ANK3: variants seen among roughly 807,000 people sequenced by gnomAD.
ANK3 encodes ankyrin-3.
A neutral mutation model predicts 370.9 loss-of-function variants in ANK3; 57 were observed. The observed-to-expected ratio is 0.15, with a 90% CI of 0.12 to 0.19. ANK3 has a LOEUF of 0.19. Ranked by LOEUF, ANK3 falls within the 10% of genes least tolerant of loss-of-function variation. ANK3 has a pLI of 1.00. For synonymous variants in ANK3, 1,929 were observed against 1,946.3 expected (o/e 0.99, Z 0.23); for missense variants, 4,439 against 5,302.1 (o/e 0.84, Z 5.06).
rs534560568 is a variant in ANK3 at position 60,092,820 on chromosome 10, C to G, written c.3329-4462G>C. On this transcript the variant is annotated intron_variant, in intron 28 of 43. Transcript: ENST00000280772. ...GCATGATCTCAGCTCACTGCAACCTCCGCCTCCTGGGCTCAAGCAATTCTT... is the reference window on the plus strand; with the variant it reads ...GCATGATCTCAGCTCACTGCAACCTGCGCCTCCTGGGCTCAAGCAATTCTT... Among the ~76,000 whole-genome samples the G allele has an allele frequency of 2.0e-5, 3 of 152,330 alleles. No homozygotes were observed. In the South Asian group the frequency reaches 6.2e-4, roughly 32 times the overall value.
At chr10:60,273,994 A>T (rs779499363) in intron 4 of ANK3, among the ~76,000 whole-genome samples, 5 of 152,186 alleles carry the variant, frequency 3.3e-5, no homozygotes, top group Non-Finnish European at 7.3e-5. Context: ...AAGCTAATAC[A>T]GATAGGGTCT....
chr10:60,673,108 T>C (rs2079082665), intron 1 of ANK3, among the ~76,000 whole-genome samples: 1 of 151,472 alleles, frequency 6.6e-6, no homozygotes, highest in Non-Finnish European at 1.5e-5. Context: ...CTATAAAAGG[T>C]AAAAGAGTTC....
At chr10:60,131,236 A>T (rs542389327) in intron 25 of ANK3, among the ~76,000 whole-genome samples, 1 of 152,164 alleles carries the variant, frequency 6.6e-6, no homozygotes, top group Non-Finnish European at 1.5e-5. Flanking sequence ...TGCCCCCAAC[A>T]GTCCCTAAAA....
At chr10:60,080,319 A>C (rs967654453) in intron 36 of ANK3, 4 of 490,276 alleles carry the variant, frequency 8.2e-6, no homozygotes, top group Non-Finnish European at 1.4e-5. Flanking sequence ...AAAATAGTTA[A>C]TGGCTTTAAA....
intron 23 of ANK3, among the ~76,000 whole-genome samples, chr10:60,165,902 CA>C (rs1400066035): frequency 6.6e-6 from 1 of 152,138 alleles, no homozygotes; most frequent in Non-Finnish European, 1.5e-5. Flanking sequence ...GTCATCAGTA[CA>C]ATATTTACTC....
chr10:60,205,672 C>T, intron 11 of ANK3, 120 bp downstream of exon 11: 1 of 699,122 alleles, frequency 1.4e-6, no homozygotes. Context: ...GTTCAGAATG[C>T]AGTCTATGGC....
intron 1 of ANK3, among the ~76,000 whole-genome samples, chr10:60,363,276 CA>C (rs2058900482): frequency 6.6e-6 from 1 of 152,232 alleles, no homozygotes; most frequent in Admixed American, 6.5e-5. Context: ...AGGCCAACAT[CA>C]CTAAACCGAA....
At chr10:60,488,899 T>C (rs1007346969) in intron 2 of ANK3, among the ~76,000 whole-genome samples, 1 of 152,228 alleles carries the variant, frequency 6.6e-6, no homozygotes, top group Non-Finnish European at 1.5e-5. Flanking sequence ...AAATAATTAA[T>C]CTTATTTGCT....
intron 1 of ANK3, among the ~76,000 whole-genome samples, chr10:60,351,932 A>C (rs957656707): frequency 6.6e-6 from 1 of 152,262 alleles, no homozygotes; most frequent in Non-Finnish European, 1.5e-5. Flanking sequence ...AATGAAAAAA[A>C]AAATACCACT....
intron 7 of ANK3, among the ~76,000 whole-genome samples, chr10:60,236,312 T>C (rs1487061732): frequency 6.6e-6 from 1 of 151,572 alleles, no homozygotes; most frequent in Non-Finnish European, 1.5e-5. Flanking sequence ...AAATAATTCC[T>C]TTATAGCACC....
Position 60,073,783 on chromosome 10 carries a change from G to A in ANK3, c.7098C>T (p.Ser2366=). ...AATCTTTTAGGTTAATATCTCCCCG[G>A]GATAAGTCTTTCTGATATACATACA... The part of the protein sequence containing the change: ...KEMYVYQKDL[S]RGDINLKDFL... Residue 2366 remains serine, a synonymous_variant, in exon 37 of 44, where the codon TCC becomes TCT. Transcript: ENST00000280772. The A allele has an allele frequency of 1.2e-6, 2 of 1,613,496 alleles. No homozygotes were observed. The highest frequency in any genetic ancestry group is 1.7e-6 in the Non-Finnish European group (2 of 1,179,964).
intron 36 of ANK3, 69 bp from the exon 37 acceptor site, chr10:60,076,517 C>A (rs2083862358): frequency 1.3e-5 from 20 of 1,488,348 alleles, no homozygotes; most frequent in Non-Finnish European, 1.7e-5. Context: ...ACAGAGAGAC[C>A]AGAGAAAAAA....
At position 60,082,679 on chromosome 10, in the gene ANK3, G is replaced by A. The variant is rs201213520; in HGVS notation, c.4259C>T (p.Thr1420Ile). 13 of 1,614,072 alleles carry A rather than the reference G, an allele frequency of 8.1e-6. 1 individual carries two copies. The South Asian group carries it at 1.4e-4, about 18-fold the overall frequency. Residue 1420 changes from threonine to isoleucine, a missense_variant, in exon 34 of 44, where the codon ACA becomes ATA. By Grantham distance (89) the Thr-to-Ile change is moderately conservative. Transcript: ENST00000280772. ...GRLSFLKEPK[T>I]TKGLPQTAVC... ...CGCTGTTTGAGGCAGTCCTTTTGTT[G>A]TCTTTGGTTCTTTCAGAAAAGACAG...
Position 60,064,238 on chromosome 10 carries a change from C to A in ANK3, c.12370G>T (p.Val4124Leu), listed in dbSNP as rs1279933673. 6.3e-7 allele frequency: 1 copy of A among 1,581,916 alleles called. No individual in the cohort carries two copies. Among genetic ancestry groups the A allele is most frequent in the Admixed American group, 1.9e-5 (1 of 51,332 alleles). ...FSVDEINQIR[V>L]ENPNSLISQS... ...GAAATTAAAGAATTTGGATTTTCCA[C>A]ACGTATTTGATTGATTTCATCCACT... The change falls in exon 39 of 44, where the codon GTG (valine) becomes TTG (leucine). Residue 4124 changes from valine (V) to leucine (L), a missense_variant. Around this residue, in one of 13 missense-constraint regions of ANK3, gnomAD observed 99 missense variants for 150.7 expected, o/e 0.66. Coordinates refer to ENST00000280772, the MANE Select transcript of ANK3 (RefSeq NM_020987.5).
chr10:60,074,091 A>C lies in ANK3; in HGVS notation c.6790T>G (p.Ser2264Ala). Reference protein sequence around the residue: ...YHSPPGGEGASERIEETMSVH... With the variant: ...YHSPPGGEGAAERIEETMSVH... ...GACATGGTTTCTTCAATTCTTTCAG[A>C]TGCACCTTCACCGCCTGGTGGAGAA... The change falls in exon 37 of 44, where the codon TCT becomes GCT. Residue 2264 changes from serine (S) to alanine (A), a missense_variant. By Grantham distance (99) the Ser-to-Ala change is moderately conservative (BLOSUM62 1). Around this residue, in one of 13 missense-constraint regions of ANK3, gnomAD observed 1,601 missense variants for 1,731.7 expected, o/e 0.92. Transcript: ENST00000280772. 6.2e-7 allele frequency: 1 copy of C among 1,614,036 alleles called. No homozygotes were observed. The highest frequency in any genetic ancestry group is 8.5e-7 in the Non-Finnish European group (1 of 1,179,978).
chr10:60,173,568 A>T (rs796447790), intron 18 of ANK3, among the ~76,000 whole-genome samples: 3 of 152,324 alleles, frequency 2.0e-5, no homozygotes, highest in African/African-American at 7.2e-5. Flanking sequence ...ACTTTCTGAA[A>T]GCTTTAAATC....
At chr10:60,042,622 A>G in intron 43 of ANK3, 50 bp downstream of exon 43, 1 of 1,511,688 alleles carries the variant, frequency 6.6e-7, no homozygotes, top group Non-Finnish European at 9.1e-7. Flanking sequence ...GAAAAATATA[A>G]GTTTCACAGG....
intron 18 of ANK3, among the ~76,000 whole-genome samples, chr10:60,180,322 G>A (rs1002160441): frequency 3.3e-5 from 5 of 151,920 alleles, no homozygotes; most frequent in Admixed American, 2.6e-4. Flanking sequence ...ATGTGGCTGG[G>A]TGCGGGGGCT....
rs574380592 is a variant in ANK3 at position 60,362,931 on chromosome 10, T to C, written c.114+26494A>G. ...GGACATTAGAGCTGGTCCTGGAGAG[T>C]AGATAGGGTGGGCTATCCTGGACAT... On this transcript the variant is annotated intron_variant, in intron 1 of 43. Coordinates refer to ENST00000280772, the MANE Select transcript of ANK3 (RefSeq NM_020987.5). 2.0e-4 allele frequency among the ~76,000 whole-genome samples: 30 copies of C among 151,970 alleles called. 1 individual carries two copies. Among genetic ancestry groups the C allele is most frequent in the African/African-American group, 6.8e-4 (28 of 41,422 alleles).
Sources: gnomAD v4.1 joint callset for allele counts (sites outside exome capture counted in the v4.1 genomes callset) on GRCh38, gnomAD v4.1.1 for gene constraint, gnomAD v4.1.1 regional missense constraint, MANE v1.5 for transcripts, NCBI Gene and HGNC (gene_info 2026-07-23, HGNC 2026-07-21) for gene names.